Variants in ADGRG2 observed in about 807,000 individuals in gnomAD.
ADGRG2 encodes the protein adhesion G protein-coupled receptor G2.
A neutral mutation model predicts 74.1 loss-of-function variants in ADGRG2; 26 were observed. The observed-to-expected ratio is 0.35, with a 90% CI of 0.26 to 0.49. ADGRG2 has a LOEUF of 0.49. ADGRG2 is among the 20% of genes least tolerant of loss of function. ADGRG2 has a pLI of 0.99. For missense variants in ADGRG2, 619 were observed against 763.1 expected, an observed-to-expected ratio of 0.81 and a Z score of 2.22; for synonymous variants, 296 against 295.2, an observed-to-expected ratio of 1.00 and a Z score of -0.03.
At chrX:19,049,455 T>TTTTTTTTTTTGTTG (rs1328733136) in intron 3 of ADGRG2, among the ~76,000 whole-genome samples, 23 of 90,969 alleles carry the variant, frequency 2.5e-4, no homozygotes, top group African/African-American at 1.1e-3. Flanking sequence ...TTTTTTTTTT[T>TTTTTTTTTTTGTTG]TTGTTGTTGT....
rs111561307 is a variant in ADGRG2, at chrX:19,108,262, G to GA, written c.-47+14179dup. 6.6e-3 allele frequency among the ~76,000 whole-genome samples: 691 copies of GA among 104,095 alleles called. 9 individuals carry two copies. Among genetic ancestry groups the GA allele is most frequent in the African/African-American group, 0.022 (633 of 28,792 alleles). The allele number at this position is 104,095 out of a possible 115,157, so 90.4% of individuals were successfully genotyped here. On this transcript the variant is annotated intron_variant, in intron 1 of 28. Transcript: ENST00000379869. ...CGGGCAGGTTGCTTGAGGAGTTCAA[G>GA]AAAAAAAAAAAGTTACAGAAAGAAA...
intron 2 of ADGRG2, among the ~76,000 whole-genome samples, chrX:19,077,621 T>A (rs1450156492): frequency 9.1e-6 from 1 of 109,743 alleles, no homozygotes; most frequent in Admixed American, 9.8e-5. Flanking sequence ...CAAACTCCAA[T>A]TATATGCTAT....
chrX:19,106,537 G>A (rs1372980322), intron 1 of ADGRG2, among the ~76,000 whole-genome samples: 3 of 109,886 alleles, frequency 2.7e-5, no homozygotes, highest in Non-Finnish European at 5.7e-5. Context: ...TGTGTTTGAG[G>A]TTAGTGGTTT....
At chrX:19,019,755 C>T in intron 14 of ADGRG2, 90 bp from the exon 15 acceptor site, 2 of 506,200 alleles carry the variant, frequency 4.0e-6, no homozygotes, top group East Asian at 3.4e-5. Context: ...TATCACGGTT[C>T]CTACACTGCA....
intron 2 of ADGRG2, among the ~76,000 whole-genome samples, chrX:19,075,744 G>A (rs1304220601): frequency 9.0e-6 from 1 of 111,124 alleles, no homozygotes; most frequent in Non-Finnish European, 1.9e-5. Context: ...TATCTGCAGT[G>A]TGCCAGAAAC....
intron 1 of ADGRG2, among the ~76,000 whole-genome samples, chrX:19,112,975 A>T (rs1242351311): frequency 3.2e-5 from 3 of 93,572 alleles, no homozygotes; most frequent in Non-Finnish European, 6.0e-5. Flanking sequence ...AACAACAACA[A>T]CAAAAAAAAA....
intron 2 of ADGRG2, among the ~76,000 whole-genome samples, chrX:19,080,416 G>A (rs370799695): frequency 1.1e-4 from 12 of 111,030 alleles, no homozygotes; most frequent in East Asian, 8.6e-4. Flanking sequence ...GAATAGCATA[G>A]GATTCGGGAG....
intron 8 of ADGRG2, chrX:19,031,572 T>C (rs1369080626): frequency 8.9e-6 from 1 of 112,871 alleles, no homozygotes; most frequent in East Asian, 2.8e-4. Context: ...TTTGGGAGTT[T>C]CCAGATATAG....
At chrX:19,118,106 T>C (rs1211177553) in intron 1 of ADGRG2, among the ~76,000 whole-genome samples, 1 of 111,877 alleles carries the variant, frequency 8.9e-6, no homozygotes, top group Non-Finnish European at 1.9e-5. Flanking sequence ...TAGCAACTAC[T>C]ACTCAACATT....
chrX:19,066,874 A>C (rs2061577291), intron 3 of ADGRG2, among the ~76,000 whole-genome samples: 1 of 111,174 alleles, frequency 9.0e-6, no homozygotes, highest in Non-Finnish European at 1.9e-5. Context: ...TGAACTTCTA[A>C]AGATCCCCCT....
At chrX:19,100,630 AC>A (rs1294801281) in intron 1 of ADGRG2, among the ~76,000 whole-genome samples, 1 of 113,350 alleles carries the variant, frequency 8.8e-6, no homozygotes, top group Non-Finnish European at 1.9e-5. Context: ...TGCTTCACTC[AC>A]TGGAAGATAA....
At chrX:19,111,133 G>C (rs984883995) in intron 1 of ADGRG2, among the ~76,000 whole-genome samples, 2 of 111,761 alleles carry the variant, frequency 1.8e-5, no homozygotes, top group African/African-American at 6.5e-5. Flanking sequence ...CTGAACGATG[G>C]AGTGAATGGT....
chrX:19,013,084 G>A (rs1293632845), intron 16 of ADGRG2, among the ~76,000 whole-genome samples: 3 of 111,018 alleles, frequency 2.7e-5, no homozygotes, highest in Non-Finnish European at 3.8e-5. Flanking sequence ...GCGAGGGCCC[G>A]TGCGGACCCA....
intron 2 of ADGRG2, among the ~76,000 whole-genome samples, chrX:19,073,242 G>A (rs1351700405): frequency 8.9e-6 from 1 of 112,466 alleles, no homozygotes; most frequent in African/African-American, 3.2e-5. Flanking sequence ...ATCTTCTGGT[G>A]CAATCTGGGT....
Position 19,087,504 on chromosome X carries a change from G to A in ADGRG2, c.-46-4758C>T, listed in dbSNP as rs1413458419. 2.7e-5 allele frequency among the ~76,000 whole-genome samples: 3 copies of A among 112,267 alleles called. No homozygotes were observed. The Admixed American group carries it at 2.8e-4, about 11-fold the overall frequency. ...ATCATCAGGCTGCAGCTTAAAGGGTGCAACTCCCTTTATATGAAGACATGG... is the reference window on the plus strand; with the variant it reads ...ATCATCAGGCTGCAGCTTAAAGGGTACAACTCCCTTTATATGAAGACATGG... On this transcript the variant is annotated intron_variant, in intron 1 of 28. Transcript: ENST00000379869.
chrX:19,049,438 G>GTTTTTTTTTTTTTTTTTTTTTTTTTTTTT (rs752686975), intron 3 of ADGRG2, among the ~76,000 whole-genome samples: 1 of 82,208 alleles, frequency 1.2e-5, no homozygotes, highest in Admixed American at 1.3e-4. Flanking sequence ...CGTTTTTTGT[G>GTTTTTTTTTTTTTTTTTTTTTTTTTTTTT]TTTTTTTTTT....
At chrX:19,094,460 C>T (rs1293234417) in intron 1 of ADGRG2, among the ~76,000 whole-genome samples, 4 of 110,549 alleles carry the variant, frequency 3.6e-5, no homozygotes, top group African/African-American at 9.9e-5. Flanking sequence ...GGACAACGCA[C>T]GCACATTGGG....
intron 1 of ADGRG2, among the ~76,000 whole-genome samples, chrX:19,118,627 G>A (rs2062564434): frequency 8.9e-6 from 1 of 111,747 alleles, no homozygotes; most frequent in African/African-American, 3.3e-5. Context: ...GGCCTCAAGC[G>A]ATCCTCCCAC....
At chrX:19,033,813 C>T in intron 7 of ADGRG2, 159 bp from the exon 8 acceptor site, 1 of 355,478 alleles carries the variant, frequency 2.8e-6, no homozygotes. Context: ...GAATAGGAAC[C>T]GCATCCACGG....
Sources: gnomAD v4.1 joint callset for allele counts (sites outside exome capture counted in the v4.1 genomes callset) on GRCh38, gnomAD v4.1.1 for gene constraint, MANE v1.5 for transcripts, NCBI Gene and HGNC (gene_info 2026-07-23, HGNC 2026-07-21) for gene names.